The following SRRM2 variants were observed in gnomAD, a reference collection of about 807,000 sequenced individuals.
SRRM2 encodes serine/arginine repetitive matrix 2, also known as serine/arginine repetitive matrix protein 2.
Under a neutral mutation model 213.8 loss-of-function variants are expected in SRRM2, and 30 were observed. The observed-to-expected ratio is 0.14, with a 90% CI of 0.10 to 0.19. The LOEUF is 0.19. Ranked by LOEUF, SRRM2 falls within the 10% of genes least tolerant of loss-of-function variation. SRRM2 has a pLI of 1.00. For missense variants in SRRM2, 4,904 were observed against 3,647.0 expected (o/e 1.34, Z -8.88); for synonymous variants, 2,025 against 1,377.7 (o/e 1.47, Z -10.40).
chr16:2,770,092 C>T (rs1036619075), intron 12 of SRRM2: 15 of 1,334,770 alleles, frequency 1.1e-5, no homozygotes, highest in African/African-American at 3.0e-5. Flanking sequence ...CGGGGCCGTG[C>T]GTGCCTTTCT....
Position 2,764,193 on chromosome 16 carries a change from CAAA to C in SRRM2, c.3667_3669del (p.Lys1223del). The C allele has an allele frequency of 1.9e-6, 3 of 1,614,200 alleles. No homozygotes were observed. Among genetic ancestry groups the C allele is most frequent in the South Asian group, 2.2e-5 (2 of 91,086 alleles). On this transcript the variant is annotated inframe_deletion, in exon 11 of 15. Coordinates refer to ENST00000301740, the MANE Select transcript of SRRM2 (RefSeq NM_016333.4). ...AGTGGTGCTGGGTCATCTCCAGAAA[CAAA>C]AGAGCAAAATAGTGCATTGCCTACG... is the stretch of plus-strand genomic sequence containing the variant.
chr16:2,763,289 G>T lies in SRRM2; in HGVS notation c.2761G>T (p.Ala921Ser). 2 of 1,614,068 alleles carry T rather than the reference G, an allele frequency of 1.2e-6. No individual in the cohort carries two copies. Among genetic ancestry groups the T allele is most frequent in the Non-Finnish European group, 1.7e-6 (2 of 1,179,996 alleles). The change falls in exon 11 of 15, where the codon GCA (alanine) becomes TCA (serine). Residue 921 changes from alanine (A) to serine (S), a missense_variant. By Grantham distance (99) the Ala-to-Ser change is moderately conservative. Coordinates refer to ENST00000301740, the MANE Select transcript of SRRM2 (RefSeq NM_016333.4). ...ATCATCTCCACAACCCAAAGTGAAG[G>T]CAATAATATCACCAAGACAAAGAAG... The part of the protein sequence containing the change: ...RSSSPQPKVK[A>S]IISPRQRSHS...
rs2068597780 is a variant in SRRM2 at position 2,767,874 on chromosome 16, C to T, written c.7346C>T (p.Ser2449Phe). Residue 2449 changes from serine to phenylalanine, a missense_variant, in exon 11 of 15, where the codon TCT becomes TTT. Transcript: ENST00000301740. ...LLPPAQDQPRSPVPSAFSDQS... is the reference protein window; with the variant it reads ...LLPPAQDQPRFPVPSAFSDQS... The stretch of plus-strand genomic sequence containing the variant: ...CCTCCAGCACAGGATCAGCCGAGGT[C>T]TCCTGTGCCTTCTGCTTTTTCAGAC... The T allele has an allele frequency of 1.2e-6, 2 of 1,614,168 alleles. No individual in the cohort carries two copies. Among genetic ancestry groups the T allele is most frequent in the African/African-American group, 1.3e-5 (1 of 75,032 alleles).
chr16:2,765,506 G>C lies in SRRM2; in HGVS notation c.4978G>C (p.Glu1660Gln). 1 of 1,614,156 alleles carries C rather than the reference G, an allele frequency of 6.2e-7. No homozygotes were observed. The highest frequency in any genetic ancestry group is 8.5e-7 in the Non-Finnish European group (1 of 1,180,034). The change falls in exon 11 of 15, where the codon GAA (glutamate) becomes CAA (glutamine). Residue 1660 changes from glutamate (E) to glutamine (Q), a missense_variant. Physicochemically the swap from Glu to Gln is conservative, Grantham distance 29 (BLOSUM62 2). Coordinates refer to ENST00000301740, the MANE Select transcript of SRRM2 (RefSeq NM_016333.4). ...EGSSSTESSP[E>Q]HPPKSRTARR... Reference sequence around the variant, plus strand: ...AAGCAGCAGTACCGAGTCCTCTCCTGAACATCCGCCCAAATCCAGAACTGC... The same window carrying C: ...AAGCAGCAGTACCGAGTCCTCTCCTCAACATCCGCCCAAATCCAGAACTGC...
Position 2,757,773 on chromosome 16 carries a change from T to C in SRRM2, c.351-8T>C, listed in dbSNP as rs1275040314. The C allele has an allele frequency of 6.2e-7, 1 of 1,612,452 alleles. No individual in the cohort carries two copies. The highest frequency in any genetic ancestry group is 2.2e-5 in the East Asian group (1 of 44,864). On this transcript the variant is annotated splice_polypyrimidine_tract_variant and splice_region_variant and intron_variant, in intron 3 of 14. Coordinates refer to ENST00000301740, the MANE Select transcript of SRRM2 (RefSeq NM_016333.4). ...TTTCCTTCAGACTTTTGCCCTTCTT[T>C]TCTCTAGGGTCACGGAGACTCACCA...
At position 2,762,702 on chromosome 16, in the gene SRRM2, G is replaced by C; in HGVS notation, c.2174G>C (p.Gly725Ala). Residue 725 changes from glycine (G) to alanine (A), a missense_variant, in exon 11 of 15, where the codon GGC (glycine) becomes GCC (alanine). Physicochemically the swap from Gly to Ala is moderately conservative, Grantham distance 60. Coordinates refer to ENST00000301740, the MANE Select transcript of SRRM2 (RefSeq NM_016333.4). ...SRTPQRRGRSGSSSERKNKSR... is the reference protein window; with the variant it reads ...SRTPQRRGRSASSSERKNKSR... ...ACACCTCAAAGAAGAGGCAGATCTG[G>C]CTCATCTTCAGAGCGGAAAAACAAA... 2 of 1,614,170 alleles carry C rather than the reference G, an allele frequency of 1.2e-6. No homozygotes were observed. Among genetic ancestry groups the C allele is most frequent in the Non-Finnish European group, 1.7e-6 (2 of 1,180,030 alleles).
chr16:2,755,004 A>T (rs1168386490), intron 1 of SRRM2, among the ~76,000 whole-genome samples: 4 of 152,172 alleles, frequency 2.6e-5, no homozygotes, highest in African/African-American at 9.7e-5. Context: ...AATTTTCTAA[A>T]TGCATCCTTC....
At chr16:2,760,772 C>T (rs113465804) in intron 10 of SRRM2, 5 of 420,784 alleles carry the variant, frequency 1.2e-5, no homozygotes, top group South Asian at 5.1e-5. Flanking sequence ...AACGTTGTAT[C>T]TTATCTGTGT....
intron 9 of SRRM2, 107 bp downstream of exon 9, chr16:2,759,768 A>C: frequency 2.0e-6 from 2 of 996,782 alleles, no homozygotes; most frequent in Non-Finnish European, 3.0e-6. Flanking sequence ...ACCATTCGGA[A>C]GACACGGTCC....
At chr16:2,759,100 G>A (rs1285587504) in intron 6 of SRRM2, 40 bp from the exon 7 acceptor site, 6 of 1,614,090 alleles carry the variant, frequency 3.7e-6, no homozygotes, top group Non-Finnish European at 5.1e-6. Context: ...AATTCAGGCA[G>A]AGGTGTTTCT....
Position 2,768,163 on chromosome 16 carries a change from TTCA to T in SRRM2, c.7641_7643del (p.Ser2556del), listed in dbSNP as rs770799255. ...CGTCGTCCTCTAGCTCCTCCTCTTC[TTCA>T]TCATCGTCGTCGTCGTCCTCCTCCT... On this transcript the variant is annotated inframe_deletion, in exon 11 of 15. Transcript: ENST00000301740. 9.6e-4 allele frequency: 1,545 copies of T among 1,612,714 alleles called. 2 individuals carry two copies. The highest frequency in any genetic ancestry group is 1.2e-3 in the Admixed American group (74 of 59,924).
In SRRM2 at chr16:2,766,806, C is replaced by G. The variant is rs1336481908; in HGVS notation, c.6278C>G (p.Pro2093Arg). Reference protein sequence around the residue: ...SSSDRSRSATPPATRNHSGSR... With the variant: ...SSSDRSRSATRPATRNHSGSR... ...TCTGATCGTTCACGATCTGCTACTCCTCCAGCAACAAGAAATCATTCTGGT... is the reference window on the plus strand; with the variant it reads ...TCTGATCGTTCACGATCTGCTACTCGTCCAGCAACAAGAAATCATTCTGGT... Residue 2093 changes from proline (P) to arginine (R), a missense_variant, in exon 11 of 15, where the codon CCT becomes CGT. Physicochemically the swap from Pro to Arg is moderately radical, Grantham distance 103 (BLOSUM62 -2). Transcript: ENST00000301740. The surrounding 1 kb of genome is among the most constrained non-coding windows in gnomAD (Gnocchi z 7.0). 1.9e-6 allele frequency: 3 copies of G among 1,614,174 alleles called. No individual in the cohort carries two copies. Among genetic ancestry groups the G allele is most frequent in the Non-Finnish European group, 2.5e-6 (3 of 1,180,032 alleles).
chr16:2,760,755 T>C, intron 10 of SRRM2: 2 of 457,374 alleles, frequency 4.4e-6, no homozygotes, highest in Non-Finnish European at 4.0e-6. Flanking sequence ...TAGATAGAAC[T>C]GGAACAAACG....
At chr16:2,753,742 G>C (rs891713796) in intron 1 of SRRM2, 13 of 152,190 alleles carry the variant, frequency 8.5e-5, no homozygotes, top group Non-Finnish European at 1.5e-4. Context: ...TCAGAGTGTT[G>C]TGTTGTCTTT....
In SRRM2 at chr16:2,766,069, C is replaced by T. The variant is rs1270655488; in HGVS notation, c.5541C>T (p.Thr1847=). 4 of 1,614,196 alleles carry T rather than the reference C, an allele frequency of 2.5e-6. No homozygotes were observed. Among genetic ancestry groups the T allele is most frequent in the African/African-American group, 1.3e-5 (1 of 75,050 alleles). The change falls in exon 11 of 15, where the codon ACC becomes ACT. Residue 1847 remains threonine (T), a synonymous_variant. Transcript: ENST00000301740. This position sits in a 1 kb window ranked among gnomAD's most constrained non-coding sequence, Gnocchi z 7.0. ...GAGGCCGCTCTCGGACACCCCCAAC[C>T]AGTCGGAAGCGTTCTCGCTCACGCA... ...RRRGRSRTPP[T]SRKRSRSRTS... is the part of the protein sequence containing the mutation.
In SRRM2 at chr16:2,763,482, C is replaced by A; in HGVS notation, c.2954C>A (p.Pro985Gln). ...PDTKVKPETP[P>Q]RQSHSGSISP... Reference sequence around the variant, plus strand: ...ACCAAAGTGAAACCTGAAACACCGCCAAGACAAAGTCACTCAGGGTCTATT... The same window carrying A: ...ACCAAAGTGAAACCTGAAACACCGCAAAGACAAAGTCACTCAGGGTCTATT... Residue 985 changes from proline to glutamine, a missense_variant, in exon 11 of 15, where the codon CCA becomes CAA. Physicochemically the swap from Pro to Gln is moderately conservative, Grantham distance 76. Coordinates refer to ENST00000301740, the MANE Select transcript of SRRM2 (RefSeq NM_016333.4). 6.2e-7 allele frequency: 1 copy of A among 1,614,170 alleles called. No individual in the cohort carries two copies. Among genetic ancestry groups the A allele is most frequent in the Non-Finnish European group, 8.5e-7 (1 of 1,180,024 alleles).
At position 2,759,307 on chromosome 16, in the gene SRRM2, C is replaced by CT. The variant is rs781209469; in HGVS notation, c.690-39dup. 1.9e-6 allele frequency: 3 copies of CT among 1,610,210 alleles called. No individual in the cohort carries two copies. In the South Asian group the frequency reaches 3.3e-5, roughly 18 times the overall value. On this transcript the variant is annotated intron_variant, in intron 7 of 14. Transcript: ENST00000301740. ...TCCATTTCACTTTTGGTTTTATTTCCTTTTTTAAAGAAGTTACTTTTAACA... is the reference window on the plus strand; with the variant it reads ...TCCATTTCACTTTTGGTTTTATTTCCTTTTTTTAAAGAAGTTACTTTTAACA...
In SRRM2 at chr16:2,769,185, C is replaced by T. The variant is rs761061128; in HGVS notation, c.7922C>T (p.Ser2641Phe). Residue 2641 changes from serine to phenylalanine, a missense_variant, in exon 12 of 15, where the codon TCC becomes TTC. By Grantham distance (155) the Ser-to-Phe change is radical. Coordinates refer to ENST00000301740, the MANE Select transcript of SRRM2 (RefSeq NM_016333.4). ...TCTTCTTCTTCTTCCTCCTCATCTT[C>T]CTCCTCCTCGTCGTCTTCCTCCCCT... is the stretch of plus-strand genomic sequence containing the variant. The part of the protein sequence containing the change: ...SSSSSSSSSS[S>F]SSSSSSSPSP... 10 of 1,611,100 alleles carry T rather than the reference C, an allele frequency of 6.2e-6. No individual in the cohort carries two copies. In the African/African-American group the frequency reaches 6.7e-5, roughly 11 times the overall value.
intron 4 of SRRM2, 21 bp from the exon 5 acceptor site, chr16:2,758,449 C>G: frequency 6.2e-7 from 1 of 1,601,966 alleles, no homozygotes; most frequent in Non-Finnish European, 8.6e-7. Context: ...CCCATCTCTG[C>G]TGCTTTTCAT....
Sources: allele counts gnomAD v4.1 joint callset (sites outside exome capture counted in the v4.1 genomes callset), GRCh38; gene constraint gnomAD v4.1.1; non-coding constraint Gnocchi (gnomAD v3.1); transcripts MANE v1.5; gene names NCBI Gene and HGNC (gene_info 2026-07-23, HGNC 2026-07-21).